VPS13A: variants seen among roughly 807,000 people sequenced by gnomAD.
VPS13A encodes intermembrane lipid transfer protein VPS13A.
A neutral mutation model predicts 390.9 loss-of-function variants in VPS13A; 264 were observed. That is an observed-to-expected ratio of 0.68 (90% CI 0.61 to 0.75). VPS13A has a LOEUF of 0.75. Ranked by LOEUF, VPS13A falls within the 30% of genes least tolerant of loss-of-function variation. The pLI, the probability that VPS13A is intolerant of heterozygous loss-of-function variation, is 0.00. For missense variants in VPS13A, 3,409 were observed against 3,733.9 expected, an observed-to-expected ratio of 0.91 and a Z score of 2.27; for synonymous variants, 1,231 against 1,227.1, an observed-to-expected ratio of 1.00 and a Z score of -0.07.
rs768118329 is a variant in VPS13A, at chr9:77,221,316, C to G, written c.1121C>G (p.Thr374Arg). ...AAAGAACTGTATAAAAAAAAGTTAA[C>G]AAGTAAGAAGCCACCTGGTGAACTT... ...QYKELYKKKL[T>R]SKKPPGELLV... Residue 374 changes from threonine to arginine, a missense_variant, in exon 13 of 72, where the codon ACA (threonine) becomes AGA (arginine). Physicochemically the swap from Thr to Arg is moderately conservative, Grantham distance 71. This residue lies in a region of VPS13A where 2,717 missense variants were observed against 2,917.4 expected (regional missense o/e 0.93). Transcript: ENST00000360280. The G allele has an allele frequency of 6.2e-7, 1 of 1,613,122 alleles. No individual in the cohort carries two copies.
rs1181531896 is a variant in VPS13A at position 77,318,319 on chromosome 9, T to G, written c.5041T>G (p.Ser1681Ala). Residue 1681 changes from serine to alanine, a missense_variant, in exon 41 of 72, where the codon TCT (serine) becomes GCT (alanine). Physicochemically the swap from Ser to Ala is moderately conservative, Grantham distance 99. Around this residue, in one of 5 missense-constraint regions of VPS13A, gnomAD observed 2,717 missense variants for 2,917.4 expected, o/e 0.93. Coordinates refer to ENST00000360280, the MANE Select transcript of VPS13A (RefSeq NM_033305.3). ...GGAAACCATCCCAGAAGAAACGGCT[T>G]CTTCTACTGCACATTTATGGGAAAA... The part of the protein sequence containing the change: ...TKETIPEETA[S>A]STAHLWEKKD... 6.2e-7 allele frequency: 1 copy of G among 1,612,128 alleles called. No homozygotes were observed. Among genetic ancestry groups the G allele is most frequent in the Non-Finnish European group, 8.5e-7 (1 of 1,179,540 alleles).
At chr9:77,202,349 T>A (rs1263898656) in intron 3 of VPS13A, among the ~76,000 whole-genome samples, 1 of 152,170 alleles carries the variant, frequency 6.6e-6, no homozygotes, top group African/African-American at 2.4e-5. Flanking sequence ...TATTTCTGAT[T>A]ATTTACATGT....
intron 31 of VPS13A, among the ~76,000 whole-genome samples, chr9:77,292,616 G>A (rs1235647265): frequency 6.6e-6 from 1 of 152,036 alleles, no homozygotes; most frequent in Non-Finnish European, 1.5e-5. Context: ...AGGATTCTTT[G>A]TTCTGTAGTT....
At chr9:77,316,980 G>A (rs958188751) in intron 39 of VPS13A, among the ~76,000 whole-genome samples, 2 of 151,842 alleles carry the variant, frequency 1.3e-5, no homozygotes, top group East Asian at 1.9e-4. Flanking sequence ...GACTTCCAGC[G>A]AATACTTACA....
chr9:77,369,148 A>AT (rs1832605472), intron 62 of VPS13A, 151 bp from the exon 63 acceptor site: 1 of 659,730 alleles, frequency 1.5e-6, no homozygotes, highest in African/African-American at 1.8e-5. Context: ...AAGAAAAAAA[A>AT]GAGTAGTGAT....
At chr9:77,356,417 T>A (rs1563954349) in intron 54 of VPS13A, among the ~76,000 whole-genome samples, 1 of 152,188 alleles carries the variant, frequency 6.6e-6, no homozygotes, top group Admixed American at 6.5e-5. Context: ...CTCCTACATA[T>A]TAAATTTTAC....
At chr9:77,312,345 T>C (rs541582919) in intron 35 of VPS13A, among the ~76,000 whole-genome samples, 1 of 152,138 alleles carries the variant, frequency 6.6e-6, no homozygotes, top group East Asian at 1.9e-4. Flanking sequence ...AAAAGCAAAA[T>C]AATGACCAAA....
At chr9:77,311,811 C>T (rs1202883652) in intron 35 of VPS13A, among the ~76,000 whole-genome samples, 2 of 152,154 alleles carry the variant, frequency 1.3e-5, no homozygotes, top group African/African-American at 2.4e-5. Flanking sequence ...TACAAAGATG[C>T]ACCATTTTGT....
At chr9:77,224,682 A>G (rs1017585500) in intron 13 of VPS13A, among the ~76,000 whole-genome samples, 18 of 152,236 alleles carry the variant, frequency 1.2e-4, no homozygotes, top group African/African-American at 4.1e-4. Context: ...GAGATGAAAT[A>G]TACTCCTGGT....
intron 3 of VPS13A, among the ~76,000 whole-genome samples, chr9:77,204,316 A>T (rs1825509198): frequency 6.6e-6 from 1 of 152,176 alleles, no homozygotes; most frequent in Non-Finnish European, 1.5e-5. Context: ...TATTCTCAAG[A>T]TACAAAACTA....
At chr9:77,362,335 G>A (rs1832191036) in intron 59 of VPS13A, among the ~76,000 whole-genome samples, 1 of 152,114 alleles carries the variant, frequency 6.6e-6, no homozygotes. Flanking sequence ...TGATGTATAA[G>A]GATCCAAATT....
At position 77,228,179 on chromosome 9, in the gene VPS13A, A is replaced by T. The variant is rs748001632; in HGVS notation, c.1510A>T (p.Asn504Tyr). The stretch of plus-strand genomic sequence containing the variant: ...AAGTATGTCTATTGTTCTAAGAGAA[A>T]ATCATCAAAAACCTGAGCTGGTAGA... ...LKSMSIVLRENHQKPELVDIV... is the reference protein window; with the variant it reads ...LKSMSIVLREYHQKPELVDIV... The change falls in exon 17 of 72, where the codon AAT (asparagine) becomes TAT (tyrosine). Residue 504 changes from asparagine to tyrosine, a missense_variant. Coordinates refer to ENST00000360280, the MANE Select transcript of VPS13A (RefSeq NM_033305.3). 1.2e-6 allele frequency: 2 copies of T among 1,603,638 alleles called. No homozygotes were observed. Among genetic ancestry groups the T allele is most frequent in the African/African-American group, 2.7e-5 (2 of 74,792 alleles).
intron 1 of VPS13A, among the ~76,000 whole-genome samples, chr9:77,182,135 C>T (rs752437384): frequency 5.3e-5 from 8 of 152,088 alleles, no homozygotes; most frequent in Non-Finnish European, 1.2e-4. Flanking sequence ...GTTCTGTCAC[C>T]CGGGTGGGAG....
intron 34 of VPS13A, among the ~76,000 whole-genome samples, chr9:77,306,762 G>A (rs768818317): frequency 3.3e-5 from 5 of 151,942 alleles, no homozygotes; most frequent in Middle Eastern, 6.8e-3. Context: ...ATATTTTCAC[G>A]GAAACATTTT....
chr9:77,196,675 G>GTT (rs199628155), intron 1 of VPS13A, among the ~76,000 whole-genome samples: 24 of 143,504 alleles, frequency 1.7e-4, no homozygotes, highest in Middle Eastern at 3.6e-3. Context: ...GTTTTGTTTT[G>GTT]TTTTTTTTTT....
intron 19 of VPS13A, among the ~76,000 whole-genome samples, chr9:77,239,611 C>T (rs1194122996): frequency 4.6e-5 from 7 of 151,150 alleles, no homozygotes; most frequent in Non-Finnish European, 8.8e-5. Context: ...TTACTTTTTC[C>T]CTGTGTTTTC....
intron 68 of VPS13A, among the ~76,000 whole-genome samples, chr9:77,403,013 A>C (rs983376770): frequency 6.6e-6 from 1 of 152,240 alleles, no homozygotes; most frequent in African/African-American, 2.4e-5. Context: ...AAAGTCTAGC[A>C]TTAAAGGCTG....
intron 17 of VPS13A, among the ~76,000 whole-genome samples, chr9:77,234,846 A>G (rs1013899742): frequency 1.3e-5 from 2 of 152,086 alleles, no homozygotes; most frequent in Admixed American, 6.6e-5. Flanking sequence ...GTTGAGGGCT[A>G]CTATATAGGG....
At chr9:77,353,262 A>G in intron 53 of VPS13A, 147 bp from the exon 54 acceptor site, 1 of 631,712 alleles carries the variant, frequency 1.6e-6, no homozygotes, top group Non-Finnish European at 2.8e-6. Flanking sequence ...GTATTCTACA[A>G]ATATTAATTC....
Sources: gnomAD v4.1 joint callset for allele counts (sites outside exome capture counted in the v4.1 genomes callset) on GRCh38, gnomAD v4.1.1 for gene constraint, gnomAD v4.1.1 regional missense constraint, MANE v1.5 for transcripts, NCBI Gene and HGNC (gene_info 2026-07-23, HGNC 2026-07-21) for gene names.